Variants in ATP8A2 observed in about 807,000 individuals in gnomAD.
ATP8A2 encodes phospholipid-transporting ATPase IB.
ATP8A2 carries 100 observed loss-of-function variants against 165.6 expected under a neutral mutation model. The ratio of observed to expected loss-of-function variants is 0.60; its 90% CI spans 0.51 to 0.71. The LOEUF (loss-of-function observed/expected upper bound fraction) is 0.71. Among genes scored for constraint, ATP8A2 ranks in the 30% least tolerant of loss-of-function variants. The pLI, the probability that ATP8A2 is intolerant of heterozygous loss-of-function variation, is 0.00. For missense variants in ATP8A2, 1,227 were observed against 1,479.5 expected (o/e 0.83, Z 2.80); for synonymous variants, 543 against 548.8 (o/e 0.99, Z 0.15).
chr13:25,645,344 C>T (rs2041644383), intron 24 of ATP8A2, among the ~76,000 whole-genome samples: 1 of 152,180 alleles, frequency 6.6e-6, no homozygotes, highest in African/African-American at 2.4e-5. Context: ...CTGGGTCCCT[C>T]CCACAACATG....
chr13:25,528,872 A>G lies in ATP8A2; in HGVS notation c.222-1127A>G, dbSNP rs902956675. 4.0e-5 allele frequency among the ~76,000 whole-genome samples: 6 copies of G among 150,756 alleles called. 1 individual carries two copies. The highest frequency in any genetic ancestry group is 7.4e-5 in the Non-Finnish European group (5 of 67,498). On this transcript the variant is annotated intron_variant, in intron 2 of 36. Transcript: ENST00000381655. Reference sequence around the variant, plus strand: ...ACATATGCAACATGTGTATGCATACATATGCAACATGTGTATGCATACATA... The same window carrying G: ...ACATATGCAACATGTGTATGCATACGTATGCAACATGTGTATGCATACATA...
chr13:25,605,483 A>G (rs2138398829), intron 24 of ATP8A2, among the ~76,000 whole-genome samples: 1 of 152,310 alleles, frequency 6.6e-6, no homozygotes, highest in East Asian at 1.9e-4. Context: ...GTAGACTTCC[A>G]TTACCCAGAG....
chr13:25,772,789 T>C (rs1295812152), intron 26 of ATP8A2, among the ~76,000 whole-genome samples: 1 of 152,032 alleles, frequency 6.6e-6, no homozygotes. Context: ...GTTTCACTCA[T>C]GTTGCCCAGG....
intron 24 of ATP8A2, among the ~76,000 whole-genome samples, chr13:25,670,650 G>A (rs1317944893): frequency 1.3e-5 from 2 of 152,186 alleles, no homozygotes; most frequent in Non-Finnish European, 2.9e-5. Context: ...TGCGGAGCCT[G>A]AAAGAGCCTC....
intron 1 of ATP8A2, among the ~76,000 whole-genome samples, chr13:25,458,597 G>A (rs1229249674): frequency 6.6e-6 from 1 of 152,220 alleles, no homozygotes; most frequent in Non-Finnish European, 1.5e-5. Flanking sequence ...AATGGCATGA[G>A]GGAAGTGCAT....
At chr13:25,634,662 T>G (rs11838689) in intron 24 of ATP8A2, among the ~76,000 whole-genome samples, 5,266 of 152,266 alleles carry the variant, frequency 0.035, 158 homozygotes, top group East Asian at 0.13. Flanking sequence ...TCTTAGTTTG[T>G]CTCTGCCATT....
intron 1 of ATP8A2, among the ~76,000 whole-genome samples, chr13:25,434,331 C>CT (rs1192779464): frequency 6.6e-6 from 1 of 151,676 alleles, no homozygotes; most frequent in Non-Finnish European, 1.5e-5. Flanking sequence ...TTCTTATCCA[C>CT]TTTTTTTCTT....
chr13:25,670,498 T>C (rs534102248), intron 24 of ATP8A2, among the ~76,000 whole-genome samples: 2 of 152,332 alleles, frequency 1.3e-5, no homozygotes, highest in South Asian at 4.1e-4. Flanking sequence ...AAATGTTTAC[T>C]AATATTTGCT....
At chr13:25,740,286 G>A (rs2043880908) in intron 25 of ATP8A2, among the ~76,000 whole-genome samples, 2 of 149,252 alleles carry the variant, frequency 1.3e-5, no homozygotes, top group South Asian at 2.1e-4. Flanking sequence ...TCCAGCCTGG[G>A]GGACAGAGCA....
intron 33 of ATP8A2, among the ~76,000 whole-genome samples, chr13:25,889,245 C>CATACATATATATATATATATATATAT (rs1555285524): frequency 9.1e-6 from 1 of 109,972 alleles, no homozygotes; most frequent in African/African-American, 4.3e-5. Context: ...CATCCTTTGT[C>CATACATATATATATATATATATATAT]ATATATATAT....
chr13:25,392,513 G>A (rs930381910), intron 1 of ATP8A2, among the ~76,000 whole-genome samples: 2 of 152,178 alleles, frequency 1.3e-5, no homozygotes, highest in Non-Finnish European at 2.9e-5. Context: ...GTATCACACA[G>A]TCTAAGGTGG....
At chr13:25,947,023 C>T (rs1471200224) in intron 33 of ATP8A2, among the ~76,000 whole-genome samples, 1 of 152,206 alleles carries the variant, frequency 6.6e-6, no homozygotes, top group Non-Finnish European at 1.5e-5. Flanking sequence ...GCTGGGATTA[C>T]AGGCGTGAGC....
At chr13:25,759,738 C>T (rs1449098262) in intron 25 of ATP8A2, among the ~76,000 whole-genome samples, 1 of 152,156 alleles carries the variant, frequency 6.6e-6, no homozygotes, top group Admixed American at 6.5e-5. Context: ...CCATTCTTTT[C>T]AGTCTAGTAC....
intron 16 of ATP8A2, among the ~76,000 whole-genome samples, chr13:25,566,290 T>C (rs914402414): frequency 2.6e-5 from 4 of 152,090 alleles, no homozygotes; most frequent in East Asian, 1.9e-4. Context: ...GAATCCTTTC[T>C]TGGATTCTGA....
intron 27 of ATP8A2, among the ~76,000 whole-genome samples, chr13:25,820,994 A>G (rs1034324688): frequency 1.3e-5 from 2 of 152,024 alleles, no homozygotes; most frequent in Non-Finnish European, 2.9e-5. Context: ...TGAAATAAAC[A>G]GGTCCAATCA....
At chr13:25,628,991 A>G (rs141996867) in intron 24 of ATP8A2, among the ~76,000 whole-genome samples, 1 of 152,290 alleles carries the variant, frequency 6.6e-6, no homozygotes, top group African/African-American at 2.4e-5. Context: ...CTTGGTGATC[A>G]TCACTCTTCC....
intron 24 of ATP8A2, among the ~76,000 whole-genome samples, chr13:25,631,851 A>G (rs987750059): frequency 1.3e-5 from 2 of 151,818 alleles, no homozygotes; most frequent in African/African-American, 4.8e-5. Flanking sequence ...TACTTCTAAC[A>G]CCAGAAATGT....
intron 24 of ATP8A2, among the ~76,000 whole-genome samples, chr13:25,645,336 G>T (rs1349806668): frequency 1.3e-5 from 2 of 152,104 alleles, no homozygotes; most frequent in African/African-American, 4.8e-5. Flanking sequence ...ACCTCCCCCT[G>T]GGTCCCTCCC....
chr13:25,931,277 T>A (rs985229656), intron 33 of ATP8A2, among the ~76,000 whole-genome samples: 4 of 152,178 alleles, frequency 2.6e-5, no homozygotes, highest in Non-Finnish European at 5.9e-5. Context: ...ATATATGAAA[T>A]GTAAATGAAT....
Sources: allele counts gnomAD v4.1 joint callset (sites outside exome capture counted in the v4.1 genomes callset), GRCh38; gene constraint gnomAD v4.1.1; transcripts MANE v1.5; gene names NCBI Gene and HGNC (gene_info 2026-07-23, HGNC 2026-07-21).